Variants in SPTAN1 observed in about 807,000 individuals in gnomAD.
The protein encoded by SPTAN1 is spectrin alpha, non-erythrocytic 1.
In SPTAN1, 61 loss-of-function variants were observed where a neutral mutation model predicts 331.3. The observed-to-expected ratio is 0.18, with a 90% confidence interval of 0.15 to 0.23. SPTAN1 has a LOEUF of 0.23. SPTAN1 is among the 10% of genes least tolerant of loss of function. The pLI is 1.00. For missense variants in SPTAN1, 2,043 were observed against 3,147.9 expected, an observed-to-expected ratio of 0.65 and a Z score of 8.40; for synonymous variants, 1,153 against 1,173.9, an observed-to-expected ratio of 0.98 and a Z score of 0.36.
At position 128,598,749 on chromosome 9, in the gene SPTAN1, T is replaced by A. The variant is rs35249383; in HGVS notation, c.3520-214T>A. 0.013 allele frequency: 8,517 copies of A among 640,972 alleles called. 67 individuals carry two copies. The highest frequency in any genetic ancestry group is 0.017 in the Non-Finnish European group (6,095 of 362,872). The allele number at this position is 640,972 out of a possible 1,614,324, so 39.7% of individuals were successfully genotyped here. A position where few individuals can be genotyped will look rare whatever the true frequency, so the allele number is the denominator to read the frequency against. On this transcript the variant is annotated intron_variant, in intron 25 of 56. Coordinates refer to ENST00000372739, the MANE Select transcript of SPTAN1 (RefSeq NM_001130438.3). ...CTCCGTAAGCTCATTAAATATTTAA[T>A]GTTTATATAGCCATTAACTAATGGT... is the stretch of plus-strand genomic sequence containing the variant.
At position 128,617,756 on chromosome 9, in the gene SPTAN1, T is replaced by C; in HGVS notation, c.5474T>C (p.Ile1825Thr). Reference sequence around the variant, plus strand: ...GAACTGGCTGCGCATGAGCCGGCTATTCAGGTAAGGAGGCCGCCTTCTGGC... The same window carrying C: ...GAACTGGCTGCGCATGAGCCGGCTACTCAGGTAAGGAGGCCGCCTTCTGGC... Reference protein sequence around the residue: ...EAELAAHEPAIQGVLDTGKKL... With the variant: ...EAELAAHEPATQGVLDTGKKL... Residue 1825 changes from isoleucine (I) to threonine (T), a missense_variant, in exon 42 of 57, where the codon ATT (isoleucine) becomes ACT (threonine). Ile to Thr is a moderately conservative substitution (Grantham distance 89). Coordinates refer to ENST00000372739, the MANE Select transcript of SPTAN1 (RefSeq NM_001130438.3). 6.2e-7 allele frequency: 1 copy of C among 1,613,960 alleles called. No homozygotes were observed. Among genetic ancestry groups the C allele is most frequent in the Admixed American group, 1.7e-5 (1 of 60,006 alleles).
rs41275900 is a variant in SPTAN1, at chr9:128,617,772, G to T, written c.5478+12G>T. The T allele has an allele frequency of 6.2e-7, 1 of 1,613,516 alleles. No homozygotes were observed. The highest frequency in any genetic ancestry group is 8.5e-7 in the Non-Finnish European group (1 of 1,179,944). ...AGCCGGCTATTCAGGTAAGGAGGCC[G>T]CCTTCTGGCCAAGAGGGCAGAGGTG... On this transcript the variant is annotated intron_variant, in intron 42 of 56. Transcript: ENST00000372739.
rs1192479670 is a variant in SPTAN1 at position 128,608,893 on chromosome 9, T to A, written c.4511T>A (p.Leu1504Gln). ...INVQEEKIAA[L>Q]QAFADQLIAA... ...TGACAGGAAGAGAAGATTGCTGCTCTGCAGGCCTTTGCCGACCAGCTCATC... is the reference window on the plus strand; with the variant it reads ...TGACAGGAAGAGAAGATTGCTGCTCAGCAGGCCTTTGCCGACCAGCTCATC... The change falls in exon 35 of 57, where the codon CTG becomes CAG. Residue 1504 changes from leucine to glutamine, a missense_variant. This residue lies in a region of SPTAN1 where 4 missense variants were observed against 30.9 expected (regional missense o/e 0.13). Transcript: ENST00000372739. 2 of 1,614,068 alleles carry A rather than the reference T, an allele frequency of 1.2e-6. No homozygotes were observed. Among genetic ancestry groups the A allele is most frequent in the Non-Finnish European group, 1.7e-6 (2 of 1,180,042 alleles).
intron 1 of SPTAN1, among the ~76,000 whole-genome samples, chr9:128,564,146 C>T (rs1589140614): frequency 6.6e-6 from 1 of 151,956 alleles, no homozygotes; most frequent in Non-Finnish European, 1.5e-5. Context: ...CATGGCTGTG[C>T]GTGGTGGCTC....
chr9:128,608,808 G>T, intron 34 of SPTAN1, 66 bp from the exon 35 acceptor site: 1 of 1,484,670 alleles, frequency 6.7e-7, no homozygotes, highest in South Asian at 1.1e-5. Flanking sequence ...CTTTTCTCAA[G>T]ACTGGCAGTC....
intron 22 of SPTAN1, among the ~76,000 whole-genome samples, chr9:128,591,862 T>G (rs1853583024): frequency 6.6e-6 from 1 of 152,216 alleles, no homozygotes; most frequent in African/African-American, 2.4e-5. Context: ...TAACCAGAAT[T>G]TTTCTAATCA....
At position 128,629,089 on chromosome 9, in the gene SPTAN1, T is replaced by G. The variant is rs1266073913; in HGVS notation, c.6707+1147T>G. On this transcript the variant is annotated intron_variant, in intron 51 of 56. Coordinates refer to ENST00000372739, the MANE Select transcript of SPTAN1 (RefSeq NM_001130438.3). This position sits in a 1 kb window ranked among gnomAD's most constrained non-coding sequence, Gnocchi z 4.9. ...GCAGTGTGCTCTTGCCTCCCCTCCC[T>G]TTGGTGTATTCATTTGGTTTCTTTT... is the stretch of plus-strand genomic sequence containing the variant. 12 of 398,598 alleles carry G rather than the reference T, an allele frequency of 3.0e-5. No individual in the cohort carries two copies. Among genetic ancestry groups the G allele is most frequent in the Non-Finnish European group, 5.3e-5 (12 of 226,152 alleles). 24.7% of individuals were successfully genotyped at this position (398,598 alleles called of 1,614,324 possible). A position where few individuals can be genotyped will look rare whatever the true frequency, so the allele number is the denominator to read the frequency against.
In SPTAN1 at chr9:128,626,435, C is replaced by G. The variant is rs1208039801; in HGVS notation, c.6324C>G (p.Phe2108Leu). 6.2e-7 allele frequency: 1 copy of G among 1,614,234 alleles called. No individual in the cohort carries two copies. Among genetic ancestry groups the G allele is most frequent in the Non-Finnish European group, 8.5e-7 (1 of 1,180,048 alleles). ...CCTTCGCCAAAAAGGCTTCTGCCTTCAACAGCTGGTTTGAAAATGCAGAGG... is the reference window on the plus strand; with the variant it reads ...CCTTCGCCAAAAAGGCTTCTGCCTTGAACAGCTGGTTTGAAAATGCAGAGG... ...FLTFAKKASA[F>L]NSWFENAEED... is the part of the protein sequence containing the mutation. Residue 2108 changes from phenylalanine to leucine, a missense_variant, in exon 49 of 57, where the codon TTC (phenylalanine) becomes TTG (leucine). Phe to Leu is a conservative substitution (Grantham distance 22). Transcript: ENST00000372739.
At chr9:128,567,053 GTTAC>G in intron 2 of SPTAN1, 76 bp downstream of exon 2, 1 of 1,598,814 alleles carries the variant, frequency 6.3e-7, no homozygotes, top group South Asian at 1.1e-5. Context: ...GACGAGGAAA[GTTAC>G]TTAATTATGA....
intron 2 of SPTAN1, 45 bp from the exon 3 acceptor site, chr9:128,568,727 T>G: frequency 2.5e-6 from 4 of 1,612,494 alleles, no homozygotes; most frequent in Non-Finnish European, 3.4e-6. Flanking sequence ...AAAATGCTGA[T>G]GCTGTGTGGT....
chr9:128,589,489 C>T (rs747276507), intron 21 of SPTAN1, among the ~76,000 whole-genome samples: 6 of 151,226 alleles, frequency 4.0e-5, no homozygotes, highest in Non-Finnish European at 7.4e-5. Flanking sequence ...GGGGTTTCAC[C>T]GTGGTCTCTA....
chr9:128,621,083 A>G, intron 44 of SPTAN1, 75 bp from the exon 45 acceptor site: 1 of 1,319,368 alleles, frequency 7.6e-7, no homozygotes, highest in East Asian at 2.3e-5. Context: ...CAGTTTTGTC[A>G]CTCTCTGTCC....
At position 128,632,397 on chromosome 9, in the gene SPTAN1, A is replaced by AG. The variant is rs1239386925; in HGVS notation, c.6960-31dup. On this transcript the variant is annotated intron_variant, in intron 53 of 56. Coordinates refer to ENST00000372739, the MANE Select transcript of SPTAN1 (RefSeq NM_001130438.3). ...AAAGACACAGTCACCTGCTGTGTGG[A>AG]GGGTCTGTTCCCTAATTTCTGTTTT... 3 of 1,613,752 alleles carry AG rather than the reference A, an allele frequency of 1.9e-6. No homozygotes were observed. In the African/African-American group the frequency reaches 4.0e-5, roughly 22 times the overall value.
At chr9:128,582,381 T>C in intron 12 of SPTAN1, 98 bp from the exon 13 acceptor site, 1 of 1,030,216 alleles carries the variant, frequency 9.7e-7, no homozygotes, top group East Asian at 2.5e-5. Context: ...TGTTAAAGTT[T>C]GGTGTGTTTT....
intron 31 of SPTAN1, 148 bp downstream of exon 31, chr9:128,605,625 C>G: frequency 3.0e-6 from 3 of 1,014,614 alleles, no homozygotes; most frequent in Non-Finnish European, 4.4e-6. Flanking sequence ...AAGCGAATTG[C>G]TTGAACTCAG....
In SPTAN1 at chr9:128,577,617, C is replaced by G; in HGVS notation, c.1085+111C>G. On this transcript the variant is annotated intron_variant, in intron 8 of 56. Coordinates refer to ENST00000372739, the MANE Select transcript of SPTAN1 (RefSeq NM_001130438.3). The surrounding 1 kb of genome is among the most constrained non-coding windows in gnomAD (Gnocchi z 4.2). ...GTTCTGTGAAAGTGTCAGGTATCAC[C>G]TACAAATGCAAATCACTTCTTACCT... is the stretch of plus-strand genomic sequence containing the variant. 1 of 1,423,236 alleles carries G rather than the reference C, an allele frequency of 7.0e-7. No individual in the cohort carries two copies. The highest frequency in any genetic ancestry group is 2.3e-5 in the East Asian group (1 of 43,986). The allele number at this position is 1,423,236 out of a possible 1,614,324, so 88.2% of individuals were successfully genotyped here.
chr9:128,566,547 G>A, intron 1 of SPTAN1, among the ~76,000 whole-genome samples, 191 bp from the exon 2 acceptor site: 1 of 152,160 alleles, frequency 6.6e-6, no homozygotes, highest in East Asian at 1.9e-4. Flanking sequence ...AGGTGTTGCA[G>A]GGGAATGGAT....
In SPTAN1 at chr9:128,632,280, G is replaced by A; in HGVS notation, c.6916G>A (p.Gly2306Ser). Residue 2306 changes from glycine to serine, a missense_variant, in exon 53 of 57, where the codon GGC becomes AGC. Around this residue, in one of 12 missense-constraint regions of SPTAN1, gnomAD observed 4 missense variants for 48.9 expected, o/e 0.08. Transcript: ENST00000372739. ...AQQWDQLDQL[G>S]MRMQHNLEQQ... The stretch of plus-strand genomic sequence containing the variant: ...GCAGTGGGACCAGCTGGACCAGCTG[G>A]GCATGCGCATGCAGCACAACCTGGA... The A allele has an allele frequency of 6.2e-7, 1 of 1,613,502 alleles. No individual in the cohort carries two copies. The highest frequency in any genetic ancestry group is 8.5e-7 in the Non-Finnish European group (1 of 1,180,008).
intron 24 of SPTAN1, 104 bp from the exon 25 acceptor site, chr9:128,598,296 C>G: frequency 8.5e-6 from 7 of 818,874 alleles, no homozygotes; most frequent in East Asian, 2.9e-5. Flanking sequence ...TGGTAGGCCT[C>G]TGTAGAAGAA....
Sources: gnomAD v4.1 joint callset for allele counts (sites outside exome capture counted in the v4.1 genomes callset) on GRCh38, gnomAD v4.1.1 for gene constraint, gnomAD v4.1.1 regional missense constraint, Gnocchi (gnomAD v3.1) non-coding constraint, MANE v1.5 for transcripts, NCBI Gene and HGNC (gene_info 2026-07-23, HGNC 2026-07-21) for gene names.